Variants in CDK14 observed in about 807,000 individuals in gnomAD.
CDK14 encodes cyclin dependent kinase 14.
A neutral mutation model predicts 60.7 loss-of-function variants in CDK14; 34 were observed. The ratio of observed to expected loss-of-function variants is 0.56; its 90% CI spans 0.43 to 0.75. The LOEUF (loss-of-function observed/expected upper bound fraction) is 0.75. Among genes scored for constraint, CDK14 ranks in the 30% least tolerant of loss-of-function variants. The probability of loss-of-function intolerance (pLI) is 0.00; values close to 1 mark genes in which losing one functional copy is unlikely to be tolerated. For synonymous variants in CDK14, 197 were observed against 203.7 expected (o/e 0.97, Z 0.28); for missense variants, 482 against 564.1 (o/e 0.85, Z 1.47).
At chr7:91,125,840 A>G (rs904988888) in intron 14 of CDK14, among the ~76,000 whole-genome samples, 9 of 152,170 alleles carry the variant, frequency 5.9e-5, no homozygotes, top group African/African-American at 2.2e-4. Flanking sequence ...AGTTTGCATT[A>G]CGTATAGTGC....
At chr7:90,639,559 AG>A (rs1800262009) in intron 2 of CDK14, among the ~76,000 whole-genome samples, 1 of 151,882 alleles carries the variant, frequency 6.6e-6, no homozygotes, top group African/African-American at 2.4e-5. Flanking sequence ...CCTCCCAGTT[AG>A]GCTGCTCGGG....
intron 11 of CDK14, among the ~76,000 whole-genome samples, chr7:91,062,485 C>T (rs1020387723): frequency 1.3e-5 from 2 of 151,972 alleles, no homozygotes; most frequent in African/African-American, 4.8e-5. Context: ...TTGTCTTCTT[C>T]GTCGCTCACG....
rs546753642 is a variant in CDK14, at chr7:90,657,387, A to G, written c.123+53138A>G. ...TTTCTTTGCCTTGACAGAGCTCTCAATAGTTGATGCTAAATTTATTAAAGT... is the reference window on the plus strand; with the variant it reads ...TTTCTTTGCCTTGACAGAGCTCTCAGTAGTTGATGCTAAATTTATTAAAGT... On this transcript the variant is annotated intron_variant, in intron 2 of 14. Coordinates refer to ENST00000380050, the MANE Select transcript of CDK14 (RefSeq NM_001287135.2). 4.9e-4 allele frequency among the ~76,000 whole-genome samples: 74 copies of G among 152,318 alleles called. No homozygotes were observed. In the Middle Eastern group the frequency reaches 0.014, roughly 28 times the overall value.
At chr7:90,657,715 C>T (rs1800779585) in intron 2 of CDK14, among the ~76,000 whole-genome samples, 1 of 152,128 alleles carries the variant, frequency 6.6e-6, no homozygotes, top group Admixed American at 6.5e-5. Context: ...ATTTGGTTGC[C>T]AAAGGCTTAA....
At chr7:91,141,899 C>T (rs1042634624) in intron 14 of CDK14, among the ~76,000 whole-genome samples, 4 of 152,080 alleles carry the variant, frequency 2.6e-5, no homozygotes, top group African/African-American at 9.7e-5. Context: ...GATCTCCGCT[C>T]ACTGCAAGCT....
chr7:90,790,773 A>T (rs1159024601), intron 5 of CDK14, 121 bp downstream of exon 5: 9 of 576,036 alleles, frequency 1.6e-5, no homozygotes, highest in Non-Finnish European at 2.7e-5. Context: ...TTTCATTAAA[A>T]TGTGTAAACT....
At chr7:90,852,784 T>G (rs3802029) in intron 5 of CDK14, among the ~76,000 whole-genome samples, 66,312 of 152,054 alleles carry the variant, frequency 0.44, 15,351 homozygotes, top group East Asian at 0.85. Context: ...TGAGGTGAAC[T>G]TAGGTGCTCA....
intron 11 of CDK14, among the ~76,000 whole-genome samples, chr7:91,071,125 TA>T (rs1474469886): frequency 6.6e-6 from 1 of 152,238 alleles, no homozygotes; most frequent in East Asian, 1.9e-4. Flanking sequence ...AACAATTTGT[TA>T]AAAAAATAAT....
intron 7 of CDK14, among the ~76,000 whole-genome samples, chr7:90,905,583 A>G (rs1309673214): frequency 6.6e-6 from 1 of 152,144 alleles, no homozygotes; most frequent in African/African-American, 2.4e-5. Flanking sequence ...TCATTCCAGG[A>G]CCAGCGTCCT....
At chr7:91,004,915 G>A (rs973755969) in intron 10 of CDK14, among the ~76,000 whole-genome samples, 11 of 152,308 alleles carry the variant, frequency 7.2e-5, no homozygotes, top group African/African-American at 2.4e-4. Context: ...AGAAAAATCT[G>A]AAGAATACCC....
intron 2 of CDK14, among the ~76,000 whole-genome samples, chr7:90,659,405 C>T (rs1800816754): frequency 6.6e-6 from 1 of 152,154 alleles, no homozygotes; most frequent in Admixed American, 6.5e-5. Flanking sequence ...GCTGATTTGT[C>T]TGCAAGAAAC....
intron 6 of CDK14, among the ~76,000 whole-genome samples, chr7:90,863,848 G>A (rs1791090842): frequency 6.6e-6 from 1 of 151,958 alleles, no homozygotes; most frequent in South Asian, 2.1e-4. Context: ...TAGAAGACTT[G>A]GACTTGAACT....
chr7:90,774,123 C>T (rs1015420725), intron 4 of CDK14, among the ~76,000 whole-genome samples: 11 of 151,756 alleles, frequency 7.2e-5, no homozygotes, highest in African/African-American at 1.7e-4. Flanking sequence ...AGGCTGGTCA[C>T]GAACTCCTGA....
At chr7:90,615,534 TA>T in intron 2 of CDK14, among the ~76,000 whole-genome samples, 1 of 152,346 alleles carries the variant, frequency 6.6e-6, no homozygotes, top group East Asian at 1.9e-4. Flanking sequence ...TACTTTTCTT[TA>T]AAAAATGAGT....
rs190585328 is a variant in CDK14, at chr7:90,783,260, G to A, written c.465-7313G>A. 1.1e-3 allele frequency among the ~76,000 whole-genome samples: 160 copies of A among 152,026 alleles called. 1 individual carries two copies. The highest frequency in any genetic ancestry group is 1.8e-3 in the Admixed American group (27 of 15,246). On this transcript the variant is annotated intron_variant, in intron 4 of 14. Coordinates refer to ENST00000380050, the MANE Select transcript of CDK14 (RefSeq NM_001287135.2). ...TCATTTCATTAAATCTTTTTGCATT[G>A]TTAGTCACATCCTAATAAATAGCTG...
In CDK14 at chr7:90,728,008, C is replaced by T. The variant is rs1287014166; in HGVS notation, c.369+1196C>T. Among the ~76,000 whole-genome samples the T allele has an allele frequency of 1.4e-4, 22 of 152,144 alleles. 1 individual carries two copies. The South Asian group carries it at 3.9e-3, about 27-fold the overall frequency. On this transcript the variant is annotated intron_variant, in intron 3 of 14. Transcript: ENST00000380050. ...GTCATATGACTATGATTTTATCTGTCGTTGATTACTTGATTAATAATCTGG... is the reference window on the plus strand; with the variant it reads ...GTCATATGACTATGATTTTATCTGTTGTTGATTACTTGATTAATAATCTGG...
At chr7:90,907,478 G>A (rs1792747100) in intron 7 of CDK14, among the ~76,000 whole-genome samples, 1 of 152,022 alleles carries the variant, frequency 6.6e-6, no homozygotes, top group African/African-American at 2.4e-5. Context: ...GCTGTCTCCA[G>A]CTGATGTCCA....
chr7:91,056,717 G>A (rs1338037556), intron 11 of CDK14, among the ~76,000 whole-genome samples: 1 of 152,114 alleles, frequency 6.6e-6, no homozygotes, highest in Non-Finnish European at 1.5e-5. Flanking sequence ...CTTCATCCAT[G>A]TCCCTACAAA....
chr7:91,157,364 C>T (rs1312706307), intron 14 of CDK14, among the ~76,000 whole-genome samples: 2 of 152,176 alleles, frequency 1.3e-5, no homozygotes, highest in African/African-American at 4.8e-5. Flanking sequence ...AATCCCAGCA[C>T]ATCACTTCTT....
Sources: allele counts gnomAD v4.1 joint callset (sites outside exome capture counted in the v4.1 genomes callset), GRCh38; gene constraint gnomAD v4.1.1; transcripts MANE v1.5; gene names NCBI Gene and HGNC (gene_info 2026-07-23, HGNC 2026-07-21).